The following SLC22A25 variants were observed in gnomAD, a reference collection of about 807,000 sequenced individuals.
SLC22A25 encodes the protein MGI:2442751, MGI:2385316, MGI:3042283, MGI:3645714, MGI:3605624, MGI:2442750.
A neutral mutation model predicts 45.9 loss-of-function variants in SLC22A25; 44 were observed. The observed-to-expected ratio is 0.96, with a 90% CI of 0.75 to 1.23. The LOEUF is 1.23. SLC22A25 is among the 50% of genes most tolerant of loss of function. The probability of loss-of-function intolerance (pLI) is 0.00; values close to 1 mark genes in which losing one functional copy is unlikely to be tolerated. For synonymous variants in SLC22A25, 283 were observed against 238.6 expected (o/e 1.19, Z -1.72); for missense variants, 800 against 666.4 (o/e 1.20, Z -2.21).
intron 7 of SLC22A25, among the ~76,000 whole-genome samples, chr11:63,214,948 A>G (rs1378224699): frequency 6.6e-6 from 1 of 152,170 alleles, no homozygotes; most frequent in African/African-American, 2.4e-5. Flanking sequence ...GCTGGAGAGG[A>G]TGTGGACAAA....
chr11:63,177,351 A>AGTGTGT (rs58040188), intron 9 of SLC22A25, among the ~76,000 whole-genome samples: 1,706 of 149,740 alleles, frequency 0.011, 40 homozygotes, highest in African/African-American at 0.037. Context: ...TCATCATTTG[A>AGTGTGT]GTGTGTGTGT....
At chr11:63,216,005 T>A (rs12574967) in intron 7 of SLC22A25, among the ~76,000 whole-genome samples, 1 of 151,952 alleles carries the variant, frequency 6.6e-6, no homozygotes, top group African/African-American at 2.4e-5. Flanking sequence ...TTCATTAATC[T>A]GTCATTGATG....
At position 63,166,264 on chromosome 11, in the gene SLC22A25, G is replaced by T. The variant is rs756532684; in HGVS notation, c.1071-6C>A. 2 of 1,613,576 alleles carry T rather than the reference G, an allele frequency of 1.2e-6. No homozygotes were observed. The highest frequency in any genetic ancestry group is 1.7e-6 in the Non-Finnish European group (2 of 1,179,772). On this transcript the variant is annotated splice_region_variant and splice_polypyrimidine_tract_variant and intron_variant, in intron 9 of 11. Transcript: ENST00000306494. ...AAGGGATGGTACTTGCAAATCTGCA[G>T]GGAACACAGAAAAAGGCACATATTA...
chr11:63,193,456 C>T (rs942868392), intron 7 of SLC22A25, among the ~76,000 whole-genome samples: 1 of 152,202 alleles, frequency 6.6e-6, no homozygotes, highest in Non-Finnish European at 1.5e-5. Flanking sequence ...GATCAGGAAG[C>T]AACATTTGCT....
At chr11:63,181,875 A>G (rs1308398422) in intron 8 of SLC22A25, among the ~76,000 whole-genome samples, 1 of 152,104 alleles carries the variant, frequency 6.6e-6, no homozygotes, top group Non-Finnish European at 1.5e-5. Flanking sequence ...TCTCAGTAGT[A>G]CAAATGCTAA....
chr11:63,206,444 G>T (rs2089405911), intron 7 of SLC22A25, among the ~76,000 whole-genome samples: 1 of 152,126 alleles, frequency 6.6e-6, no homozygotes, highest in Non-Finnish European at 1.5e-5. Flanking sequence ...AAAGTCTCAG[G>T]ATACAAAATC....
intron 3 of SLC22A25, among the ~76,000 whole-genome samples, chr11:63,234,224 G>A: frequency 6.6e-6 from 1 of 152,126 alleles, no homozygotes; most frequent in East Asian, 1.9e-4. Context: ...TCTGTCTAAT[G>A]TTGACAGTGG....
At chr11:63,191,599 C>A (rs1200416852) in intron 7 of SLC22A25, among the ~76,000 whole-genome samples, 1 of 152,134 alleles carries the variant, frequency 6.6e-6, no homozygotes, top group Non-Finnish European at 1.5e-5. Context: ...CCTGGTACCT[C>A]AGTTGGAAAT....
intron 7 of SLC22A25, among the ~76,000 whole-genome samples, chr11:63,209,400 T>C (rs2089497161): frequency 6.6e-6 from 1 of 151,926 alleles, no homozygotes; most frequent in African/African-American, 2.4e-5. Context: ...TCGGCCCCCA[T>C]ATGTGCCAGT....
intron 5 of SLC22A25, among the ~76,000 whole-genome samples, chr11:63,224,967 C>T (rs11231415): frequency 0.37 from 55,266 of 151,404 alleles, 10,307 homozygotes; most frequent in East Asian, 0.56. Context: ...GGCGTGGTGG[C>T]GGGCGCCTGT....
At chr11:63,166,726 A>G in intron 9 of SLC22A25, 1 of 992,132 alleles carries the variant, frequency 1.0e-6, no homozygotes, top group South Asian at 4.6e-5. Flanking sequence ...CTTATTGGGT[A>G]CAGATTGTAT....
chr11:63,238,568 T>A (rs960801779), intron 2 of SLC22A25, among the ~76,000 whole-genome samples, 149 bp downstream of exon 2: 2 of 152,180 alleles, frequency 1.3e-5, no homozygotes, highest in African/African-American at 4.8e-5. Flanking sequence ...TGCATAGGGG[T>A]CTGGTATTTA....
intron 1 of SLC22A25, among the ~76,000 whole-genome samples, chr11:63,242,233 C>T (rs1228305823): frequency 6.6e-6 from 1 of 152,144 alleles, no homozygotes. Flanking sequence ...TGGAAAAAAC[C>T]ACACACCGAA....
chr11:63,180,834 A>T, intron 8 of SLC22A25, 59 bp from the exon 9 acceptor site: 1 of 1,254,178 alleles, frequency 8.0e-7, no homozygotes, highest in South Asian at 1.3e-5. Context: ...AGGCATTGTA[A>T]GAGGACTTGT....
Position 63,163,320 on chromosome 11 carries a change from C to T in SLC22A25, c.*504G>A, listed in dbSNP as rs760736824. Among the ~76,000 whole-genome samples the T allele has an allele frequency of 2.6e-5, 4 of 152,130 alleles. No individual in the cohort carries two copies. Among genetic ancestry groups the T allele is most frequent in the Non-Finnish European group, 5.9e-5 (4 of 68,020 alleles). ...ACTTATCACTTCTTTTCCCCTTTTC[C>T]AACGCTTTTTTTCCCCCGTGAAAAT... On this transcript the variant is annotated 3_prime_UTR_variant, in exon 12 of 12. Coordinates refer to ENST00000306494, the MANE Select transcript of SLC22A25 (RefSeq NM_199352.6).
chr11:63,225,868 G>A (rs2089951845), intron 5 of SLC22A25, among the ~76,000 whole-genome samples: 1 of 151,868 alleles, frequency 6.6e-6, no homozygotes, highest in Non-Finnish European at 1.5e-5. Context: ...TAAATAGCCT[G>A]TTTTCAAGCT....
intron 7 of SLC22A25, among the ~76,000 whole-genome samples, chr11:63,189,034 T>C (rs918360108): frequency 1.3e-5 from 2 of 152,148 alleles, no homozygotes; most frequent in Admixed American, 6.6e-5. Context: ...TGATTTGGGG[T>C]GGAGAGTTCT....
rs1404180863 is a variant in SLC22A25 at position 63,160,008 on chromosome 11, G to A, written c.*3816C>T. Among the ~76,000 whole-genome samples, 1 of 152,178 alleles carries A rather than the reference G, an allele frequency of 6.6e-6. No individual in the cohort carries two copies. Among genetic ancestry groups the A allele is most frequent in the Non-Finnish European group, 1.5e-5 (1 of 68,030 alleles). On this transcript the variant is annotated 3_prime_UTR_variant, in exon 12 of 12. Coordinates refer to ENST00000306494, the MANE Select transcript of SLC22A25 (RefSeq NM_199352.6). ...AATTTTTAAGCAGCAAAGCATTCAA[G>A]ATGTGACGGGTGCTGTTAAAAGCAG...
intron 9 of SLC22A25, among the ~76,000 whole-genome samples, chr11:63,170,497 C>A (rs972602291): frequency 3.3e-5 from 5 of 152,136 alleles, no homozygotes; most frequent in Admixed American, 1.3e-4. Flanking sequence ...CACCGCTAAC[C>A]CCACAGAAAT....
Sources: allele counts gnomAD v4.1 joint callset (sites outside exome capture counted in the v4.1 genomes callset), GRCh38; gene constraint gnomAD v4.1.1; transcripts MANE v1.5; gene names NCBI Gene and HGNC (gene_info 2026-07-23, HGNC 2026-07-21).